Variants in NEBL observed in about 807,000 individuals in gnomAD.
NEBL encodes nebulette.
NEBL carries 122 observed loss-of-function variants against 140.2 expected under a neutral mutation model. The observed-to-expected ratio is 0.87, with a 90% CI of 0.75 to 1.01. The LOEUF (loss-of-function observed/expected upper bound fraction) is 1.01, where lower values mean the gene tolerates loss of function less well. NEBL is among the 50% of genes least tolerant of loss of function. NEBL has a pLI of 0.00. For synonymous variants in NEBL, 436 were observed against 398.9 expected (o/e 1.09, Z -1.11); for missense variants, 1,365 against 1,231.3 (o/e 1.11, Z -1.62).
At chr10:20,893,518 A>G (rs570598425) in intron 2 of NEBL, among the ~76,000 whole-genome samples, 19 of 152,306 alleles carry the variant, frequency 1.2e-4, no homozygotes, top group African/African-American at 4.6e-4. Flanking sequence ...GGGGGGAGAA[A>G]GAGAAAGAAA....
intron 3 of NEBL, among the ~76,000 whole-genome samples, chr10:21,016,234 G>A (rs1445010756): frequency 6.6e-6 from 1 of 152,220 alleles, no homozygotes; most frequent in Non-Finnish European, 1.5e-5. Context: ...GTCAGAGGCT[G>A]GCCAAGTGGA....
intron 1 of NEBL, among the ~76,000 whole-genome samples, chr10:21,262,433 G>T (rs1842751008): frequency 6.6e-6 from 1 of 152,228 alleles, no homozygotes; most frequent in Non-Finnish European, 1.5e-5. Context: ...CCCCACGCCT[G>T]TTCCCTATGG....
At chr10:21,148,846 T>C (rs1359586275) in intron 2 of NEBL, among the ~76,000 whole-genome samples, 1 of 152,046 alleles carries the variant, frequency 6.6e-6, no homozygotes, top group Non-Finnish European at 1.5e-5. Context: ...TTTTGTCTGC[T>C]CCTTTTTCTC....
chr10:21,282,094 A>G (rs12260172), intron 1 of NEBL, among the ~76,000 whole-genome samples: 8,060 of 152,210 alleles, frequency 0.053, 714 homozygotes, highest in African/African-American at 0.18. Flanking sequence ...AGACTTTTGA[A>G]GGGAGAGGTT....
intron 2 of NEBL, among the ~76,000 whole-genome samples, chr10:21,045,800 T>C (rs1418593730): frequency 1.3e-5 from 2 of 152,328 alleles, no homozygotes; most frequent in Middle Eastern, 3.4e-3. Context: ...GAAAACAGCA[T>C]GGAGATTTCC....
chr10:20,853,226 ATCTGGGAACAG>A (rs1212498501), intron 9 of NEBL, among the ~76,000 whole-genome samples: 1 of 152,174 alleles, frequency 6.6e-6, no homozygotes, highest in African/African-American at 2.4e-5. Context: ...AAATTGAGAA[ATCTGGGAACAG>A]TCAGTTGAGT....
chr10:20,826,399 G>A lies in NEBL; in HGVS notation c.1869+48C>T, dbSNP rs370015531. 5.3e-5 allele frequency: 75 copies of A among 1,418,856 alleles called. 1 individual carries two copies. The South Asian group carries it at 5.6e-4, about 11-fold the overall frequency. 87.9% of individuals were successfully genotyped at this position (1,418,856 alleles called of 1,614,324 possible). On this transcript the variant is annotated intron_variant, in intron 18 of 27. Transcript: ENST00000377122. ...AAAGAACTAAAAACATTTGTCTATA[G>A]TTTTGGTTTGCTTTTAGAAAAGATA...
intron 2 of NEBL, among the ~76,000 whole-genome samples, chr10:21,084,608 A>T (rs74620590): frequency 0.025 from 3,742 of 152,080 alleles, 155 homozygotes; most frequent in African/African-American, 0.082. Flanking sequence ...AAAAAAAAAT[A>T]AAAAAATAAA....
intron 1 of NEBL, among the ~76,000 whole-genome samples, chr10:21,284,310 A>T: frequency 6.7e-6 from 1 of 150,106 alleles, no homozygotes; most frequent in Non-Finnish European, 1.5e-5. Flanking sequence ...CACTAATTTC[A>T]GCTGCACTGA....
intron 1 of NEBL, among the ~76,000 whole-genome samples, chr10:21,259,423 C>A (rs974573395): frequency 2.6e-5 from 4 of 152,144 alleles, no homozygotes; most frequent in African/African-American, 9.7e-5. Context: ...AGACAGGCTT[C>A]AAGTTCATTC....
At chr10:21,195,721 A>T (rs1182509939) in intron 3 of NEBL, among the ~76,000 whole-genome samples, 1 of 152,236 alleles carries the variant, frequency 6.6e-6, no homozygotes, top group Non-Finnish European at 1.5e-5. Context: ...TATACATGTG[A>T]ACTAGTCAAG....
At chr10:21,027,486 T>G (rs967603438) in intron 2 of NEBL, among the ~76,000 whole-genome samples, 2 of 151,684 alleles carry the variant, frequency 1.3e-5, no homozygotes, top group African/African-American at 2.4e-5. Flanking sequence ...TGCCACCATG[T>G]CAGGCTAATT....
chr10:20,913,715 T>C lies in NEBL; in HGVS notation c.357+47957A>G, dbSNP rs3802730. Among the ~76,000 whole-genome samples the C allele has an allele frequency of 1.8e-3, 271 of 152,332 alleles. 5 individuals are homozygous for C. The East Asian group carries it at 0.046, about 26-fold the overall frequency. On this transcript the variant is annotated intron_variant, in intron 4 of 6. Transcript: ENST00000417816. ...TAGCATATTAATTTTATTATATTAA[T>C]AGATTTCCCAGTATTGAATCACCCT... is the stretch of plus-strand genomic sequence containing the variant.
At chr10:20,808,339 G>GT (rs1355196757) in intron 26 of NEBL, among the ~76,000 whole-genome samples, 171 bp downstream of exon 26, 1 of 150,216 alleles carries the variant, frequency 6.7e-6, no homozygotes, top group Non-Finnish European at 1.5e-5. Context: ...AATTAGTAGG[G>GT]TTTTTTCTTT....
At chr10:20,819,548 T>A in intron 19 of NEBL, 32 bp from the exon 20 acceptor site, 1 of 1,612,962 alleles carries the variant, frequency 6.2e-7, no homozygotes, top group Admixed American at 1.7e-5. Flanking sequence ...AGTTTGAGAT[T>A]ATGGGAAATA....
At chr10:21,092,322 C>T (rs12263824) in intron 2 of NEBL, among the ~76,000 whole-genome samples, 71 of 152,168 alleles carry the variant, frequency 4.7e-4, no homozygotes, top group African/African-American at 1.7e-3. Context: ...TAGTACTATC[C>T]CACTGTTTGC....
intron 2 of NEBL, chr10:21,125,908 G>A: frequency 1.2e-6 from 2 of 1,614,154 alleles, no homozygotes; most frequent in Non-Finnish European, 1.7e-6. Context: ...CTTCCCTTTG[G>A]TTATACCTTC....
intron 3 of NEBL, among the ~76,000 whole-genome samples, chr10:21,215,961 G>A (rs755191758): frequency 1.3e-5 from 2 of 152,064 alleles, no homozygotes; most frequent in Non-Finnish European, 2.9e-5. Context: ...GTGAGCCACC[G>A]CACCTGCCCT....
At chr10:21,143,607 A>G (rs1417670427) in intron 2 of NEBL, among the ~76,000 whole-genome samples, 1 of 152,120 alleles carries the variant, frequency 6.6e-6, no homozygotes, top group African/African-American at 2.4e-5. Context: ...AAGATATAAA[A>G]TGGCCCAATC....
Sources: gnomAD v4.1 joint callset for allele counts (sites outside exome capture counted in the v4.1 genomes callset) on GRCh38, gnomAD v4.1.1 for gene constraint, MANE v1.5 for transcripts, NCBI Gene and HGNC (gene_info 2026-07-23, HGNC 2026-07-21) for gene names.